WDR70: variants seen among roughly 807,000 people sequenced by gnomAD.
WDR70 encodes WD repeat-containing protein 70.
In WDR70, 53 loss-of-function variants were observed where a neutral mutation model predicts 88.6. The ratio of observed to expected loss-of-function variants is 0.60; its 90% CI spans 0.48 to 0.75. WDR70 has a LOEUF of 0.75. Among genes scored for constraint, WDR70 ranks in the 30% least tolerant of loss-of-function variants. The pLI is 0.00. For missense variants in WDR70, 610 were observed against 823.2 expected (o/e 0.74, Z 3.17); for synonymous variants, 280 against 270.0 (o/e 1.04, Z -0.36).
At chr5:37,542,055 G>A (rs1289699774) in intron 9 of WDR70, among the ~76,000 whole-genome samples, 4 of 152,032 alleles carry the variant, frequency 2.6e-5, no homozygotes, top group Non-Finnish European at 5.9e-5. Context: ...GAAAAAGTAG[G>A]GAATTAGAGA....
intron 10 of WDR70, among the ~76,000 whole-genome samples, chr5:37,664,519 C>T (rs959643715): frequency 6.6e-6 from 1 of 152,250 alleles, no homozygotes; most frequent in African/African-American, 2.4e-5. Flanking sequence ...CCAGCATCCT[C>T]ACCAGGCTTT....
chr5:37,442,850 TATCTTA>T (rs1288210420), intron 6 of WDR70, among the ~76,000 whole-genome samples: 4 of 152,262 alleles, frequency 2.6e-5, no homozygotes, highest in African/African-American at 9.6e-5. Context: ...CAGTTATGAT[TATCTTA>T]AAAGTTTTCC....
intron 9 of WDR70, among the ~76,000 whole-genome samples, chr5:37,565,399 TG>T (rs1348272720): frequency 6.6e-6 from 1 of 152,194 alleles, no homozygotes; most frequent in Non-Finnish European, 1.5e-5. Context: ...TCTTCTTTTT[TG>T]CTGCTTAATG....
At chr5:37,504,994 AT>A (rs1740518370) in intron 8 of WDR70, among the ~76,000 whole-genome samples, 1 of 152,342 alleles carries the variant, frequency 6.6e-6, no homozygotes, top group Admixed American at 6.5e-5. Flanking sequence ...AACCCAAAAA[AT>A]ATAAGTAAAA....
At chr5:37,512,757 C>G (rs1360131578) in intron 8 of WDR70, among the ~76,000 whole-genome samples, 1 of 149,778 alleles carries the variant, frequency 6.7e-6, no homozygotes, top group African/African-American at 2.5e-5. Context: ...AATTTTTTTT[C>G]TTTTTTTTGT....
At chr5:37,581,956 A>G (rs1211959675) in intron 9 of WDR70, among the ~76,000 whole-genome samples, 1 of 152,118 alleles carries the variant, frequency 6.6e-6, no homozygotes, top group Non-Finnish European at 1.5e-5. Context: ...TCCAAATCCT[A>G]GCTCTCATAG....
rs779462796 is a variant in WDR70 at position 37,437,948 on chromosome 5, G to A, written c.519G>A (p.Ser173=). ...ATCCTGTTCACAAGATTCCTGACTCGCATGAGATAACGCTGAAGCATGGCA... is the reference window on the plus strand; with the variant it reads ...ATCCTGTTCACAAGATTCCTGACTCACATGAGATAACGCTGAAGCATGGCA... ...EENPVHKIPD[S]HEITLKHGTK... Residue 173 remains serine (S), a synonymous_variant, in exon 6 of 18, where the codon TCG becomes TCA. Coordinates refer to ENST00000265107, the MANE Select transcript of WDR70 (RefSeq NM_018034.4). 4.4e-6 allele frequency: 7 copies of A among 1,608,804 alleles called. No homozygotes were observed. Among genetic ancestry groups the A allele is most frequent in the African/African-American group, 4.0e-5 (3 of 74,676 alleles).
intron 5 of WDR70, among the ~76,000 whole-genome samples, chr5:37,429,131 G>A (rs935656398): frequency 1.3e-5 from 2 of 152,168 alleles, no homozygotes; most frequent in African/African-American, 4.8e-5. Flanking sequence ...CGCTGTGCCT[G>A]GCTAATGTGT....
In WDR70 at chr5:37,657,178, G is replaced by A. The variant is rs181279208; in HGVS notation, c.1093-40477G>A. Reference sequence around the variant, plus strand: ...GTGTGTTGTGAAGACTGTGGGAAAAGCATAGTATCTGGGCTGGAGTGTACC... The same window carrying A: ...GTGTGTTGTGAAGACTGTGGGAAAAACATAGTATCTGGGCTGGAGTGTACC... On this transcript the variant is annotated intron_variant, in intron 10 of 17. Transcript: ENST00000265107. Among the ~76,000 whole-genome samples the A allele has an allele frequency of 8.5e-5, 13 of 152,288 alleles. No homozygotes were observed. In the East Asian group the frequency reaches 2.3e-3, roughly 27 times the overall value.
In WDR70 at chr5:37,430,570, CT is replaced by C. The variant is rs879274161; in HGVS notation, c.493-7344del. Among the ~76,000 whole-genome samples, 208 of 150,798 alleles carry C rather than the reference CT, an allele frequency of 1.4e-3. 1 individual carries two copies. The highest frequency in any genetic ancestry group is 2.3e-3 in the Non-Finnish European group (155 of 67,594). ...ATAGATTTTTTTCTTTTCTTTTTTT[CT>C]TTTTTTTGATACGGAGTCTCGCTCT... is the stretch of plus-strand genomic sequence containing the variant. On this transcript the variant is annotated intron_variant, in intron 5 of 17. Transcript: ENST00000265107.
chr5:37,579,307 C>T (rs999445367), intron 9 of WDR70, among the ~76,000 whole-genome samples: 5 of 152,072 alleles, frequency 3.3e-5, no homozygotes, highest in South Asian at 2.1e-4. Context: ...CAATTCTGGC[C>T]GGGTGCGGTG....
chr5:37,669,059 TG>T (rs1487964205), intron 10 of WDR70, among the ~76,000 whole-genome samples: 1 of 152,194 alleles, frequency 6.6e-6, no homozygotes, highest in African/African-American at 2.4e-5. Flanking sequence ...GGTTTATAGT[TG>T]GTGCAATAAA....
At chr5:37,506,230 T>C (rs11957546) in intron 8 of WDR70, 636,571 of 956,238 alleles carry the variant, frequency 0.67, 215,748 homozygotes, top group Admixed American at 0.7. Context: ...GGAGTTGCTA[T>C]CAAAAATCGG....
chr5:37,421,498 T>C lies in WDR70; in HGVS notation c.493-16424T>C, dbSNP rs568793112. Among the ~76,000 whole-genome samples, 8 of 152,364 alleles carry C rather than the reference T, an allele frequency of 5.3e-5. No individual in the cohort carries two copies. The East Asian group carries it at 1.3e-3, about 26-fold the overall frequency. ...TTCATTTTTCAGAATTATTTTTCCCTGTGAAAACAGAGCATTTTCTCCTTG... is the reference window on the plus strand; with the variant it reads ...TTCATTTTTCAGAATTATTTTTCCCCGTGAAAACAGAGCATTTTCTCCTTG... On this transcript the variant is annotated intron_variant, in intron 5 of 17. Transcript: ENST00000265107.
At chr5:37,644,493 T>C (rs1404189767) in intron 10 of WDR70, among the ~76,000 whole-genome samples, 1 of 151,996 alleles carries the variant, frequency 6.6e-6, no homozygotes. Flanking sequence ...ATATTAGCAT[T>C]GTAGAATGAG....
intron 10 of WDR70, among the ~76,000 whole-genome samples, chr5:37,692,340 A>G (rs1308659858): frequency 6.6e-6 from 1 of 152,208 alleles, no homozygotes; most frequent in Non-Finnish European, 1.5e-5. Context: ...CAATGGAAAA[A>G]GAGGGAATCC....
chr5:37,615,364 T>C (rs1244570139), intron 10 of WDR70, among the ~76,000 whole-genome samples: 1 of 152,042 alleles, frequency 6.6e-6, no homozygotes, highest in Non-Finnish European at 1.5e-5. Context: ...CACCAAGCCA[T>C]GCGTCATGAA....
intron 12 of WDR70, among the ~76,000 whole-genome samples, chr5:37,702,642 G>A (rs1747198347): frequency 6.6e-6 from 1 of 152,098 alleles, no homozygotes; most frequent in Non-Finnish European, 1.5e-5. Flanking sequence ...AAATTACAAT[G>A]TAGAAGTTAA....
chr5:37,744,444 G>A (rs1168880507), intron 17 of WDR70, among the ~76,000 whole-genome samples: 1 of 152,076 alleles, frequency 6.6e-6, no homozygotes, highest in Non-Finnish European at 1.5e-5. Flanking sequence ...CAAATTGACA[G>A]AGGTAGGCTT....
Sources: allele counts gnomAD v4.1 joint callset (sites outside exome capture counted in the v4.1 genomes callset), GRCh38; gene constraint gnomAD v4.1.1; transcripts MANE v1.5; gene names NCBI Gene and HGNC (gene_info 2026-07-23, HGNC 2026-07-21).